PIGK: variants seen among roughly 807,000 people sequenced by gnomAD.
PIGK encodes phosphatidylinositol glycan anchor biosynthesis class K.
PIGK carries 42 observed loss-of-function variants against 50.6 expected under a neutral mutation model. The ratio of observed to expected loss-of-function variants is 0.83; its 90% CI spans 0.65 to 1.07. PIGK has a LOEUF of 1.07. Ranked by LOEUF, PIGK falls within the 50% of genes least tolerant of loss-of-function variation. PIGK has a pLI of 0.00. For synonymous variants in PIGK, 151 were observed against 156.0 expected, an observed-to-expected ratio of 0.97 and a Z score of 0.24; for missense variants, 448 against 488.7, an observed-to-expected ratio of 0.92 and a Z score of 0.78.
intron 3 of PIGK, among the ~76,000 whole-genome samples, chr1:77,205,058 T>G (rs1350913526): frequency 2.6e-5 from 4 of 152,162 alleles, no homozygotes; most frequent in African/African-American, 9.7e-5. Context: ...CTACTAAACA[T>G]AATATACAAA....
intron 10 of PIGK, among the ~76,000 whole-genome samples, chr1:77,099,416 T>C (rs922108969): frequency 6.6e-6 from 1 of 152,116 alleles, no homozygotes; most frequent in African/African-American, 2.4e-5. Flanking sequence ...TGGGGAGAAA[T>C]TGGATTATGC....
intron 3 of PIGK, 118 bp downstream of exon 3, chr1:77,206,522 C>T: frequency 1.6e-6 from 1 of 642,986 alleles, no homozygotes; most frequent in Non-Finnish European, 2.7e-6. Flanking sequence ...AAAAAATCTT[C>T]AAATCAGATT....
chr1:77,176,871 G>A (rs867225092), intron 3 of PIGK, among the ~76,000 whole-genome samples: 1 of 152,130 alleles, frequency 6.6e-6, no homozygotes, highest in Non-Finnish European at 1.5e-5. Flanking sequence ...TAAAAGTTAT[G>A]CATTCCAAAA....
chr1:77,152,508 C>T (rs1654915476), intron 9 of PIGK, among the ~76,000 whole-genome samples: 3 of 151,912 alleles, frequency 2.0e-5, no homozygotes, highest in Admixed American at 6.6e-5. Flanking sequence ...AATGAAATTA[C>T]ATCAAGCTAA....
intron 9 of PIGK, among the ~76,000 whole-genome samples, chr1:77,146,842 G>A (rs1189385285): frequency 2.6e-5 from 4 of 151,922 alleles, no homozygotes; most frequent in African/African-American, 7.2e-5. Flanking sequence ...GGCAGCTTGA[G>A]CTTGTAGTCC....
chr1:77,203,953 C>A (rs1481690906), intron 3 of PIGK, among the ~76,000 whole-genome samples: 1 of 152,110 alleles, frequency 6.6e-6, no homozygotes, highest in Admixed American at 6.5e-5. Flanking sequence ...GCTATCTGCA[C>A]AAATTGTTTG....
At chr1:77,186,365 C>A (rs913634723) in intron 3 of PIGK, among the ~76,000 whole-genome samples, 1 of 152,202 alleles carries the variant, frequency 6.6e-6, no homozygotes, top group African/African-American at 2.4e-5. Context: ...GGCAGAACTT[C>A]GAGCAGTGCA....
At chr1:77,148,424 G>T (rs1004257261) in intron 9 of PIGK, among the ~76,000 whole-genome samples, 14 of 152,090 alleles carry the variant, frequency 9.2e-5, no homozygotes, top group African/African-American at 3.1e-4. Flanking sequence ...CTTGATATCT[G>T]GCTGTGATAT....
At chr1:77,166,860 T>A (rs1032035968) in intron 4 of PIGK, 30 bp from the exon 5 acceptor site, 1 of 1,023,976 alleles carries the variant, frequency 9.8e-7, no homozygotes, top group African/African-American at 1.6e-5. Flanking sequence ...AAAAATCAGA[T>A]GAAATAAAAC....
chr1:77,201,483 G>A (rs1411917162), intron 3 of PIGK, among the ~76,000 whole-genome samples: 1 of 152,158 alleles, frequency 6.6e-6, no homozygotes, highest in East Asian at 1.9e-4. Flanking sequence ...ACTATAGCTG[G>A]GCACAATGGC....
intron 9 of PIGK, among the ~76,000 whole-genome samples, chr1:77,147,578 T>C (rs1197640671): frequency 6.6e-6 from 1 of 152,226 alleles, no homozygotes; most frequent in Non-Finnish European, 1.5e-5. Flanking sequence ...GATATCTTCC[T>C]AATACAGAAA....
intron 3 of PIGK, among the ~76,000 whole-genome samples, chr1:77,172,068 T>A (rs1655375242): frequency 7.4e-6 from 1 of 134,792 alleles, no homozygotes; most frequent in Admixed American, 7.6e-5. Context: ...GTTCTACATT[T>A]AATTTTTTTT....
chr1:77,122,854 T>C (rs551929298), intron 9 of PIGK, among the ~76,000 whole-genome samples: 67 of 152,332 alleles, frequency 4.4e-4, no homozygotes, highest in African/African-American at 1.6e-3. Context: ...CCAACAATTC[T>C]CTTCTTTATT....
intron 3 of PIGK, among the ~76,000 whole-genome samples, chr1:77,171,267 T>A (rs1183113747): frequency 6.6e-6 from 1 of 150,938 alleles, no homozygotes; most frequent in African/African-American, 2.4e-5. Flanking sequence ...AAACCCTGTC[T>A]CTACTAAAAA....
At chr1:77,175,432 T>A (rs980535437) in intron 3 of PIGK, among the ~76,000 whole-genome samples, 1 of 152,138 alleles carries the variant, frequency 6.6e-6, no homozygotes, top group Non-Finnish European at 1.5e-5. Context: ...GTGTAAGTCA[T>A]GAAAGGATTC....
chr1:77,174,056 T>C (rs1465683570), intron 3 of PIGK, among the ~76,000 whole-genome samples: 1 of 152,234 alleles, frequency 6.6e-6, no homozygotes, highest in Non-Finnish European at 1.5e-5. Context: ...TATAGCTCAG[T>C]AGCTAAGGCC....
In PIGK at chr1:77,091,498, C is replaced by T. The variant is rs1020673491; in HGVS notation, c.*876G>A. The T allele has an allele frequency of 6.6e-6, 1 of 152,154 alleles. No homozygotes were observed. Among genetic ancestry groups the T allele is most frequent in the Non-Finnish European group, 1.5e-5 (1 of 68,008 alleles). 9.4% of individuals were successfully genotyped at this position (152,154 alleles called of 1,614,324 possible). On this transcript the variant is annotated 3_prime_UTR_variant, in exon 11 of 11. Coordinates refer to ENST00000370812, the MANE Select transcript of PIGK (RefSeq NM_005482.3). The stretch of plus-strand genomic sequence containing the variant: ...CAGAATGAAATAAAGTCCTTGTTGG[C>T]TCTCTCTTTCAAGATGGAAAATGAA...
At chr1:77,148,849 G>A (rs1195103482) in intron 9 of PIGK, among the ~76,000 whole-genome samples, 1 of 151,832 alleles carries the variant, frequency 6.6e-6, no homozygotes, top group Admixed American at 6.6e-5. Flanking sequence ...TAAGTAGCTG[G>A]GACTACAGGT....
At chr1:77,108,896 G>A (rs553684880) in intron 10 of PIGK, among the ~76,000 whole-genome samples, 45 of 152,200 alleles carry the variant, frequency 3.0e-4, no homozygotes, top group African/African-American at 9.4e-4. Flanking sequence ...CTACTGAAGC[G>A]TGTGCATTTG....
Sources: allele counts gnomAD v4.1 joint callset (sites outside exome capture counted in the v4.1 genomes callset), GRCh38; gene constraint gnomAD v4.1.1; transcripts MANE v1.5; gene names NCBI Gene and HGNC (gene_info 2026-07-23, HGNC 2026-07-21).